The following CBR3 variants were observed in gnomAD, a reference collection of about 807,000 sequenced individuals.
CBR3 encodes carbonyl reductase 3, also known as carbonyl reductase [NADPH] 3.
A neutral mutation model predicts 11.6 loss-of-function variants in CBR3; 14 were observed. The ratio of observed to expected loss-of-function variants is 1.20; its 90% confidence interval spans 0.79 to 1.88. CBR3 has a LOEUF of 1.88. Ranked by LOEUF, CBR3 falls within the 40% of genes most tolerant of loss-of-function variation. The pLI is 0.00. For synonymous variants in CBR3, 125 were observed against 145.6 expected (o/e 0.86, Z 1.02); for missense variants, 308 against 357.3 (o/e 0.86, Z 1.11).
intron 2 of CBR3, among the ~76,000 whole-genome samples, chr21:36,140,081 G>C (rs1267015218): frequency 6.6e-6 from 1 of 151,730 alleles, no homozygotes; most frequent in Non-Finnish European, 1.5e-5. Flanking sequence ...TAGAGACAGG[G>C]TTTCACCATG....
At position 36,141,891 on chromosome 21, in the gene CBR3, C is replaced by CT; in HGVS notation, c.397+3961dup. On this transcript the variant is annotated intron_variant, in intron 2 of 2. Coordinates refer to ENST00000290354, the MANE Select transcript of CBR3 (RefSeq NM_001236.4). ...GCTTCTATGATCTGTGTTTTTCTTT[C>CT]TTCCTTTCCCATTCACATTTAATTC... The CT allele has an allele frequency of 4.1e-6, 4 of 980,450 alleles. No homozygotes were observed. In the South Asian group the frequency reaches 1.9e-4, roughly 46 times the overall value. The allele number at this position is 980,450 out of a possible 1,614,324, so 60.7% of individuals were successfully genotyped here. A position where few individuals can be genotyped will look rare whatever the true frequency, so the allele number is the denominator to read the frequency against.
chr21:36,144,795 C>G (rs981800440), intron 2 of CBR3, among the ~76,000 whole-genome samples: 2 of 138,528 alleles, frequency 1.4e-5, no homozygotes, highest in African/African-American at 5.4e-5. Flanking sequence ...AAGACTCTGT[C>G]TCACAAAACA....
intron 1 of CBR3, among the ~76,000 whole-genome samples, chr21:36,136,264 G>T (rs935710312): frequency 1.3e-5 from 2 of 150,632 alleles, no homozygotes; most frequent in Admixed American, 6.6e-5. Flanking sequence ...AGCCGAGATC[G>T]CGCCACTGCA....
rs745640377 is a variant in CBR3 at position 36,146,453 on chromosome 21, C to A, written c.775C>A (p.Pro259Thr). Residue 259 changes from proline to threonine, a missense_variant, in exon 3 of 3, where the codon CCA (proline) becomes ACA (threonine). Transcript: ENST00000290354. ...ETPVYLALLPPDATEPQGQLV... is the reference protein window; with the variant it reads ...ETPVYLALLPTDATEPQGQLV... ...CCCTGTCTACTTGGCCCTCTTGCCT[C>A]CAGATGCCACTGAGCCACAAGGCCA... The A allele has an allele frequency of 2.5e-6, 4 of 1,613,742 alleles. No individual in the cohort carries two copies. In the South Asian group the frequency reaches 4.4e-5, roughly 18 times the overall value.
intron 2 of CBR3, among the ~76,000 whole-genome samples, chr21:36,142,431 C>CA (rs71326645): frequency 0.034 from 1,362 of 40,400 alleles, 109 homozygotes; most frequent in Middle Eastern, 0.13. Context: ...GACTCCATCT[C>CA]AAAAAAAAAA....
chr21:36,139,881 CTTTTTTT>C (rs10689993), intron 2 of CBR3, among the ~76,000 whole-genome samples: 3 of 89,832 alleles, frequency 3.3e-5, no homozygotes, highest in Non-Finnish European at 5.9e-5. Flanking sequence ...GATGCAAAAC[CTTTTTTT>C]TTTTTTTTTT....
At chr21:36,141,138 G>A (rs1387484805) in intron 2 of CBR3, among the ~76,000 whole-genome samples, 2 of 151,696 alleles carry the variant, frequency 1.3e-5, no homozygotes, top group Non-Finnish European at 2.9e-5. Flanking sequence ...GGGCATAGTG[G>A]CATGTTCCAG....
In CBR3 at chr21:36,137,889, T is replaced by G. The variant is rs763371361; in HGVS notation, c.354T>G (p.Thr118=). The stretch of plus-strand genomic sequence containing the variant: ...CACTGAAGACAAATTTTTTTGCCAC[T>G]AGAAACATGTGCAACGAGTTACTGC... The part of the protein sequence containing the change: ...EMTLKTNFFA[T]RNMCNELLPI... The change falls in exon 2 of 3, where the codon ACT becomes ACG. Residue 118 remains threonine (T), a synonymous_variant. Coordinates refer to ENST00000290354, the MANE Select transcript of CBR3 (RefSeq NM_001236.4). 1 of 1,611,590 alleles carries G rather than the reference T, an allele frequency of 6.2e-7. No homozygotes were observed. Among genetic ancestry groups the G allele is most frequent in the Non-Finnish European group, 8.5e-7 (1 of 1,177,904 alleles).
chr21:36,146,482 G>A lies in CBR3; in HGVS notation c.804G>A (p.Leu268=), dbSNP rs2123356095. The change falls in exon 3 of 3, where the codon TTG becomes TTA. Residue 268 remains leucine (L), a synonymous_variant. Transcript: ENST00000290354. ...ATGCCACTGAGCCACAAGGCCAGTT[G>A]GTCCATGACAAAGTTGTGCAAAACT... ...PPDATEPQGQ[L]VHDKVVQNW The A allele has an allele frequency of 2.5e-6, 4 of 1,608,380 alleles. No homozygotes were observed. The highest frequency in any genetic ancestry group is 3.4e-6 in the Non-Finnish European group (4 of 1,176,066).
intron 2 of CBR3, among the ~76,000 whole-genome samples, chr21:36,139,757 C>T (rs920893718): frequency 1.3e-5 from 2 of 151,630 alleles, no homozygotes; most frequent in Non-Finnish European, 2.9e-5. Flanking sequence ...CCTGTAATCT[C>T]AGCACTTTGG....
At chr21:36,142,978 T>G (rs1490382855) in intron 2 of CBR3, among the ~76,000 whole-genome samples, 1 of 152,048 alleles carries the variant, frequency 6.6e-6, no homozygotes. Flanking sequence ...CAATGGGAAC[T>G]TGTGGGGAAT....
intron 2 of CBR3, among the ~76,000 whole-genome samples, chr21:36,145,418 CA>C (rs1307195160): frequency 6.6e-6 from 1 of 152,168 alleles, no homozygotes; most frequent in Non-Finnish European, 1.5e-5. Context: ...TGGCTCACTG[CA>C]ATCTCTACTT....
In CBR3 at chr21:36,146,065, T is replaced by A. The variant is rs1391714603; in HGVS notation, c.398-11T>A. ...GTGATATGCTTTCATATATTTATCA[T>A]TCTGTTTCAGGGAGAGTGGTGAATA... On this transcript the variant is annotated splice_polypyrimidine_tract_variant and intron_variant, in intron 2 of 2. Coordinates refer to ENST00000290354, the MANE Select transcript of CBR3 (RefSeq NM_001236.4). The A allele has an allele frequency of 6.3e-7, 1 of 1,587,420 alleles. No individual in the cohort carries two copies. The highest frequency in any genetic ancestry group is 1.1e-5 in the South Asian group (1 of 90,278).
chr21:36,141,022 A>G (rs1270734427), intron 2 of CBR3, among the ~76,000 whole-genome samples: 10 of 148,602 alleles, frequency 6.7e-5, no homozygotes, highest in Non-Finnish European at 1.2e-4. Context: ...AAAAAAAAAA[A>G]AAAAGAAAGA....
intron 2 of CBR3, among the ~76,000 whole-genome samples, chr21:36,142,573 A>G (rs2065722224): frequency 6.6e-6 from 1 of 152,156 alleles, no homozygotes; most frequent in South Asian, 2.1e-4. Flanking sequence ...TTGTATAATG[A>G]TAAATGCCTG....
At chr21:36,142,426 C>A (rs2065717401) in intron 2 of CBR3, among the ~76,000 whole-genome samples, 3 of 2,418 alleles carry the variant, frequency 1.2e-3, no homozygotes, top group African/African-American at 2.8e-3. Context: ...AGCGAGACTC[C>A]ATCTCAAAAA....
intron 2 of CBR3, among the ~76,000 whole-genome samples, chr21:36,143,721 A>C (rs2065731693): frequency 6.6e-6 from 1 of 151,910 alleles, no homozygotes; most frequent in Non-Finnish European, 1.5e-5. Flanking sequence ...TTCTACGAAA[A>C]ATACAAAAAT....
chr21:36,143,518 A>G (rs1471572019), intron 2 of CBR3, among the ~76,000 whole-genome samples: 1 of 152,136 alleles, frequency 6.6e-6, no homozygotes, highest in African/African-American at 2.4e-5. Context: ...GTAGCTGTGA[A>G]TCATGATCAA....
At chr21:36,135,711 C>T (rs2065654363) in intron 1 of CBR3, 1 of 495,804 alleles carries the variant, frequency 2.0e-6, no homozygotes, top group East Asian at 3.5e-5. Context: ...CCTGTGAGGG[C>T]CTGTGCGCGG....
Sources: allele counts gnomAD v4.1 joint callset (sites outside exome capture counted in the v4.1 genomes callset), GRCh38; gene constraint gnomAD v4.1.1; transcripts MANE v1.5; gene names NCBI Gene and HGNC (gene_info 2026-07-23, HGNC 2026-07-21).